USE1: variants seen among roughly 807,000 people sequenced by gnomAD.
USE1 encodes the protein unconventional SNARE in the ER 1.
Under a neutral mutation model 37.6 loss-of-function variants are expected in USE1, and 32 were observed. The observed-to-expected ratio is 0.85, with a 90% CI of 0.64 to 1.14. The LOEUF (loss-of-function observed/expected upper bound fraction) is 1.14, where lower values mean the gene tolerates loss of function less well. Among genes scored for constraint, USE1 ranks in the 50% most tolerant of loss-of-function variants. The pLI is 0.00. For synonymous variants in USE1, 149 were observed against 137.6 expected (o/e 1.08, Z -0.58); for missense variants, 310 against 332.2 (o/e 0.93, Z 0.52).
intron 6 of USE1, 65 bp downstream of exon 6, chr19:17,218,456 T>C: frequency 6.2e-7 from 1 of 1,604,134 alleles, no homozygotes; most frequent in Non-Finnish European, 8.5e-7. Flanking sequence ...GGGGTAGCAG[T>C]GGCCAAACCC....
rs1389004759 is a variant in USE1, at chr19:17,215,401, C to A, written c.-5C>A. 6.4e-7 allele frequency: 1 copy of A among 1,555,718 alleles called. No homozygotes were observed. The highest frequency in any genetic ancestry group is 1.2e-5 in the South Asian group (1 of 84,334). Reference sequence around the variant, plus strand: ...GCGGAAGGGGTGGTGTAGGGCCGGGCGATAATGGCGGCGTCGAGGCTGGAG... The same window carrying A: ...GCGGAAGGGGTGGTGTAGGGCCGGGAGATAATGGCGGCGTCGAGGCTGGAG... On this transcript the variant is annotated 5_prime_UTR_variant, in exon 1 of 8. Transcript: ENST00000263897.
In USE1 at chr19:17,216,067, G is replaced by T. The variant is rs781179471; in HGVS notation, c.228G>T (p.Lys76Asn). 6.2e-7 allele frequency: 1 copy of T among 1,612,958 alleles called. No individual in the cohort carries two copies. The highest frequency in any genetic ancestry group is 1.1e-5 in the South Asian group (1 of 90,988). ...DFLKGMLQAE[K>N]LTSSSEKALA... The stretch of plus-strand genomic sequence containing the variant: ...TGAAGGGGATGCTGCAAGCCGAGAA[G>T]CTGGTGAGAAGGGGTGCCCCTGCCC... Residue 76 changes from lysine (K) to asparagine (N), a missense_variant, in exon 3 of 8, where the codon AAG becomes AAT. Coordinates refer to ENST00000263897, the MANE Select transcript of USE1 (RefSeq NM_018467.4).
chr19:17,215,708 C>G, intron 1 of USE1, 94 bp from the exon 2 acceptor site: 1 of 1,184,298 alleles, frequency 8.4e-7, no homozygotes, highest in Admixed American at 2.1e-5. Flanking sequence ...CTCCTTTACG[C>G]TTGACCCCTC....
intron 4 of USE1, 138 bp from the exon 5 acceptor site, chr19:17,217,315 T>C (rs1427841622): frequency 2.1e-6 from 2 of 954,624 alleles, no homozygotes; most frequent in East Asian, 6.2e-5. Flanking sequence ...TTTGTATTTT[T>C]AGTAGAGATG....
At chr19:17,217,749 T>TA in intron 5 of USE1, 1 of 475,884 alleles carries the variant, frequency 2.1e-6, no homozygotes, top group Non-Finnish European at 4.1e-6. Context: ...ATGTCTCTAC[T>TA]AAAAATACAA....
Position 17,215,452 on chromosome 19 carries a change from G to A in USE1, c.47G>A (p.Arg16His). Residue 16 changes from arginine (R) to histidine (H), a missense_variant, in exon 1 of 8, where the codon CGC (arginine) becomes CAC (histidine). Coordinates refer to ENST00000263897, the MANE Select transcript of USE1 (RefSeq NM_018467.4). ...CTAAACCTGGTGCGGCTGCTATCCC[G>A]CTGCGAGGCGATGGCAGCGGAGAAA... ...LELNLVRLLS[R>H]CEAMAAEKRD... The A allele has an allele frequency of 1.9e-6, 3 of 1,563,308 alleles. No homozygotes were observed. Among genetic ancestry groups the A allele is most frequent in the East Asian group, 4.8e-5 (2 of 41,658 alleles).
chr19:17,217,465 G>A lies in USE1; in HGVS notation c.394+3G>A. The A allele has an allele frequency of 6.2e-7, 1 of 1,611,524 alleles. No individual in the cohort carries two copies. The highest frequency in any genetic ancestry group is 8.5e-7 in the Non-Finnish European group (1 of 1,178,602). ...CTTCTTTCCACAGGACTCTGCAGGT[G>A]AGTCACCATGAACACAACAGGACTT... On this transcript the variant is annotated splice_donor_region_variant and intron_variant, in intron 5 of 7. Coordinates refer to ENST00000263897, the MANE Select transcript of USE1 (RefSeq NM_018467.4).
chr19:17,217,489 T>A, intron 5 of USE1, 27 bp downstream of exon 5: 3 of 1,610,286 alleles, frequency 1.9e-6, no homozygotes, highest in Non-Finnish European at 2.5e-6. Flanking sequence ...ACAACAGGAC[T>A]TGAGGGCCAG....
At chr19:17,218,469 G>A in intron 6 of USE1, 78 bp downstream of exon 6, 1 of 1,580,740 alleles carries the variant, frequency 6.3e-7, no homozygotes, top group Non-Finnish European at 8.6e-7. Context: ...CCAAACCCTG[G>A]ACCACCGAGG....
chr19:17,215,649 A>G, intron 1 of USE1, 142 bp downstream of exon 1: 2 of 1,310,582 alleles, frequency 1.5e-6, no homozygotes, highest in South Asian at 1.4e-5. Context: ...GTCCACCTGT[A>G]GCTTCCGCCC....
Position 17,217,463 on chromosome 19 carries a change from G to A in USE1, c.394+1G>A, listed in dbSNP as rs1421992085. Reference sequence around the variant, plus strand: ...TACTTCTTTCCACAGGACTCTGCAGGTGAGTCACCATGAACACAACAGGAC... The same window carrying A: ...TACTTCTTTCCACAGGACTCTGCAGATGAGTCACCATGAACACAACAGGAC... On this transcript the variant is annotated splice_donor_variant, in intron 5 of 7. Coordinates refer to ENST00000263897, the MANE Select transcript of USE1 (RefSeq NM_018467.4). LOFTEE classifies it high-confidence loss of function. The A allele has an allele frequency of 6.2e-7, 1 of 1,611,626 alleles. No individual in the cohort carries two copies. The highest frequency in any genetic ancestry group is 1.3e-5 in the African/African-American group (1 of 74,956).
At position 17,216,005 on chromosome 19, in the gene USE1, G is replaced by A. The variant is rs773077372; in HGVS notation, c.166G>A (p.Glu56Lys). The A allele has an allele frequency of 1.2e-5, 20 of 1,606,622 alleles. No homozygotes were observed. The highest frequency in any genetic ancestry group is 1.7e-4 in the Middle Eastern group (1 of 6,054). Reference protein sequence around the residue: ...LKVHASKPASEVINEYSWKVD... With the variant: ...LKVHASKPASKVINEYSWKVD... ...CCTGCCTTCCAGCAAACCGGCCTCT[G>A]AGGTGATCAATGAATATTCCTGGAA... Residue 56 changes from glutamate (E) to lysine (K), a missense_variant, in exon 3 of 8, where the codon GAG becomes AAG. Physicochemically the swap from Glu to Lys is moderately conservative, Grantham distance 56. Transcript: ENST00000263897.
chr19:17,215,857 T>TGCAG lies in USE1; in HGVS notation c.152+11_152+14dup, dbSNP rs763662669. ...GCCCTGAAGGTCCACGCGAGGTGAG[T>TGCAG]GCAGGCAGCCTCAGGGCTTTCACAT... On this transcript the variant is annotated splice_region_variant and intron_variant, in intron 2 of 7. Coordinates refer to ENST00000263897, the MANE Select transcript of USE1 (RefSeq NM_018467.4). 1 of 1,607,056 alleles carries TGCAG rather than the reference T, an allele frequency of 6.2e-7. No homozygotes were observed. Among genetic ancestry groups the TGCAG allele is most frequent in the Non-Finnish European group, 8.5e-7 (1 of 1,177,182 alleles).
chr19:17,219,452 G>C, intron 7 of USE1, 65 bp downstream of exon 7: 1 of 1,483,328 alleles, frequency 6.7e-7, no homozygotes, highest in Non-Finnish European at 9.1e-7. Context: ...TCCCAGCACA[G>C]GAGCATTGTG....
chr19:17,218,555 G>C (rs1035354835), intron 6 of USE1, 164 bp downstream of exon 6: 1 of 824,498 alleles, frequency 1.2e-6, no homozygotes, highest in African/African-American at 1.7e-5. Flanking sequence ...GCCAGGCGCA[G>C]TGGCTCACGC....
Position 17,215,419 on chromosome 19 carries a change from G to A in USE1, c.14G>A (p.Arg5Lys), listed in dbSNP as rs1434789235. 3 of 1,559,410 alleles carry A rather than the reference G, an allele frequency of 1.9e-6. No individual in the cohort carries two copies. The highest frequency in any genetic ancestry group is 2.6e-6 in the Non-Finnish European group (3 of 1,153,226). The change falls in exon 1 of 8, where the codon AGG (arginine) becomes AAG (lysine). Residue 5 changes from arginine to lysine, a missense_variant. Arg to Lys is a conservative substitution (Grantham distance 26). Transcript: ENST00000263897. ...GGCCGGGCGATAATGGCGGCGTCGA[G>A]GCTGGAGCTAAACCTGGTGCGGCTG... MAAS[R>K]LELNLVRLLS...
chr19:17,219,543 G>A (rs948744770), intron 7 of USE1, 88 bp from the exon 8 acceptor site: 40 of 1,478,690 alleles, frequency 2.7e-5, no homozygotes, highest in African/African-American at 5.6e-5. Flanking sequence ...ACCAGCAAGC[G>A]ACAAGAGGTG....
intron 5 of USE1, chr19:17,218,147 G>A (rs1209057154): frequency 3.4e-6 from 2 of 583,764 alleles, no homozygotes; most frequent in Admixed American, 3.2e-5. Flanking sequence ...ACCAAGGCTA[G>A]GCTGGAGGGA....
At chr19:17,218,952 C>T in intron 6 of USE1, 4 of 291,560 alleles carry the variant, frequency 1.4e-5, no homozygotes, top group Non-Finnish European at 2.5e-5. Context: ...CATGGTGAAA[C>T]CCTGTCTCTA....
Sources: gnomAD v4.1 joint callset for allele counts on GRCh38, gnomAD v4.1.1 for gene constraint, MANE v1.5 for transcripts, NCBI Gene and HGNC (gene_info 2026-07-23, HGNC 2026-07-21) for gene names.